Variants in SCIN observed in about 807,000 individuals in gnomAD.
SCIN encodes the protein adseverin.
In SCIN, 91 loss-of-function variants were observed where a neutral mutation model predicts 91.8. The observed-to-expected ratio is 0.99, with a 90% CI of 0.84 to 1.18. SCIN has a LOEUF of 1.18. SCIN is among the 50% of genes most tolerant of loss of function. The pLI, the probability that SCIN is intolerant of heterozygous loss-of-function variation, is 0.00. For synonymous variants in SCIN, 367 were observed against 312.6 expected, an observed-to-expected ratio of 1.17 and a Z score of -1.84; for missense variants, 1,087 against 863.9, an observed-to-expected ratio of 1.26 and a Z score of -3.24.
intron 6 of SCIN, 22 bp downstream of exon 6, chr7:12,625,164 G>A (rs747937743): frequency 1.3e-6 from 2 of 1,595,722 alleles, no homozygotes; most frequent in East Asian, 4.5e-5. Flanking sequence ...CATTGACGAT[G>A]CTGTATTTCA....
rs1425653363 is a variant in SCIN, at chr7:12,644,522, T to A, written c.1760-62T>A. 4 of 1,585,768 alleles carry A rather than the reference T, an allele frequency of 2.5e-6. No individual in the cohort carries two copies. In the African/African-American group the frequency reaches 4.1e-5, roughly 16 times the overall value. ...CAAGGTGAGATAATATTTGTTCATA[T>A]AAAGCGACAGCAAGCATATGTCCCT... On this transcript the variant is annotated intron_variant, in intron 12 of 15. Transcript: ENST00000297029.
At chr7:12,588,439 C>T (rs972665256) in intron 3 of SCIN, among the ~76,000 whole-genome samples, 8 of 151,928 alleles carry the variant, frequency 5.3e-5, no homozygotes, top group Middle Eastern at 3.2e-3. Context: ...TGGATGAGGG[C>T]GCTGTAAGGT....
chr7:12,625,431 C>T (rs376464998), intron 6 of SCIN, among the ~76,000 whole-genome samples: 78 of 97,488 alleles, frequency 8.0e-4, no homozygotes, highest in Admixed American at 1.6e-3. Flanking sequence ...TTTTGCTATT[C>T]TTTTTTTTTT....
chr7:12,586,454 G>A (rs529146102), intron 3 of SCIN, among the ~76,000 whole-genome samples: 124 of 152,196 alleles, frequency 8.1e-4, no homozygotes, highest in African/African-American at 1.3e-3. Context: ...TGAGGATGCC[G>A]AGAAAAGGGA....
At chr7:12,586,704 A>T (rs187084043) in intron 3 of SCIN, among the ~76,000 whole-genome samples, 293 of 152,324 alleles carry the variant, frequency 1.9e-3, no homozygotes, top group African/African-American at 6.7e-3. Context: ...CAGGTGAATA[A>T]AGAAAATATG....
At chr7:12,596,236 A>G (rs1445292011) in intron 3 of SCIN, 6 of 403,818 alleles carry the variant, frequency 1.5e-5, no homozygotes, top group Non-Finnish European at 2.5e-5. Context: ...GAAGTCGTAC[A>G]CATGCCAACC....
chr7:12,652,498 C>T (rs1784099986), intron 15 of SCIN, 90 bp from the exon 16 acceptor site: 2 of 1,160,940 alleles, frequency 1.7e-6, no homozygotes, highest in South Asian at 1.4e-5. Flanking sequence ...AAATTTAATT[C>T]ATTACTTTTA....
In SCIN at chr7:12,624,372, T is replaced by G. The variant is rs143739347; in HGVS notation, c.760-638T>G. Among the ~76,000 whole-genome samples the G allele has an allele frequency of 1.6e-3, 240 of 152,338 alleles. 1 individual carries two copies. Among genetic ancestry groups the G allele is most frequent in the Non-Finnish European group, 4.9e-4 (33 of 68,040 alleles). On this transcript the variant is annotated intron_variant, in intron 5 of 15. Coordinates refer to ENST00000297029, the MANE Select transcript of SCIN (RefSeq NM_001112706.3). The stretch of plus-strand genomic sequence containing the variant: ...TTTGTAAGACCACTTAAAAATTTGT[T>G]TTAATAGTCTGTAGTCATTTCTAAA...
intron 3 of SCIN, among the ~76,000 whole-genome samples, chr7:12,586,079 C>CCACAGTG (rs1782581016): frequency 1.3e-5 from 2 of 152,180 alleles, no homozygotes; most frequent in Admixed American, 6.5e-5. Context: ...ATTTACTTAT[C>CCACAGTG]AGCCTTCCTC....
chr7:12,652,764 T>C lies in SCIN; in HGVS notation c.*49T>C, dbSNP rs369408713. 5.1e-6 allele frequency: 8 copies of C among 1,571,250 alleles called. No individual in the cohort carries two copies. Among genetic ancestry groups the C allele is most frequent in the Non-Finnish European group, 6.9e-6 (8 of 1,166,868 alleles). ...AAACATTACAAGGCAGTTATCTCATTGCTGTTTTGGGAGAGGAACGGGAAA... is the reference window on the plus strand; with the variant it reads ...AAACATTACAAGGCAGTTATCTCATCGCTGTTTTGGGAGAGGAACGGGAAA... On this transcript the variant is annotated 3_prime_UTR_variant, in exon 16 of 16. Coordinates refer to ENST00000297029, the MANE Select transcript of SCIN (RefSeq NM_001112706.3).
intron 3 of SCIN, among the ~76,000 whole-genome samples, chr7:12,587,208 C>T (rs1008550646): frequency 2.6e-5 from 4 of 152,098 alleles, no homozygotes; most frequent in Non-Finnish European, 1.5e-5. Context: ...TAAATATGTA[C>T]AATTTTTACA....
In SCIN at chr7:12,657,552, A is replaced by G. The variant is rs1441651936; in HGVS notation, c.*4837A>G. ...TATATGTGTGTGTATATATATATATATATATATATATATATATATATTTTT... is the reference window on the plus strand; with the variant it reads ...TATATGTGTGTGTATATATATATATGTATATATATATATATATATATTTTT... On this transcript the variant is annotated 3_prime_UTR_variant, in exon 16 of 16. Transcript: ENST00000297029. The G allele has an allele frequency of 9.7e-4, 16 of 16,516 alleles. No homozygotes were observed. The highest frequency in any genetic ancestry group is 2.7e-3 in the African/African-American group (15 of 5,576). 1.0% of individuals were successfully genotyped at this position (16,516 alleles called of 1,614,324 possible).
rs1784166708 is a variant in SCIN at position 12,656,654 on chromosome 7, T to C, written c.*3939T>C. The stretch of plus-strand genomic sequence containing the variant: ...AAACCTGTAAAAAGGCCGGGCGCAG[T>C]GGCTGACGCCTGTAATCCCAGCACT... On this transcript the variant is annotated 3_prime_UTR_variant, in exon 16 of 16. Coordinates refer to ENST00000297029, the MANE Select transcript of SCIN (RefSeq NM_001112706.3). The C allele has an allele frequency of 6.6e-6, 1 of 152,210 alleles. No homozygotes were observed. Among genetic ancestry groups the C allele is most frequent in the Non-Finnish European group, 1.5e-5 (1 of 68,038 alleles). The allele number at this position is 152,210 out of a possible 1,614,324, so 9.4% of individuals were successfully genotyped here.
chr7:12,610,369 C>G (rs1042671541), intron 4 of SCIN, among the ~76,000 whole-genome samples: 5 of 152,138 alleles, frequency 3.3e-5, no homozygotes, highest in African/African-American at 1.2e-4. Context: ...CTCTACAAAG[C>G]CTGTTAAGGC....
At chr7:12,586,992 A>G (rs1782601351) in intron 3 of SCIN, among the ~76,000 whole-genome samples, 2 of 152,044 alleles carry the variant, frequency 1.3e-5, no homozygotes, top group African/African-American at 2.4e-5. Context: ...ATATAGGAGG[A>G]ATAAATTCTG....
At chr7:12,613,673 G>T (rs1378957881) in intron 4 of SCIN, among the ~76,000 whole-genome samples, 1 of 152,070 alleles carries the variant, frequency 6.6e-6, no homozygotes, top group African/African-American at 2.4e-5. Flanking sequence ...TAATGTATCA[G>T]AATTGCTGTT....
chr7:12,604,639 A>C lies in SCIN; in HGVS notation c.642A>C (p.Gly214=). 6.4e-7 allele frequency: 1 copy of C among 1,552,136 alleles called. No homozygotes were observed. The highest frequency in any genetic ancestry group is 8.7e-7 in the Non-Finnish European group (1 of 1,147,094). ...GRSELIVVEE[G]SEPSELIKVL... ...CTGAACTAATTGTCGTGGAAGAAGG[A>C]AGTGAACCCTCAGAACTTATAAAGG... The change falls in exon 4 of 16, where the codon GGA becomes GGC. Residue 214 remains glycine (G), a synonymous_variant. Transcript: ENST00000297029.
chr7:12,644,091 A>T, intron 11 of SCIN, 47 bp from the exon 12 acceptor site: 1 of 1,506,690 alleles, frequency 6.6e-7, no homozygotes. Flanking sequence ...TTATTGAGGG[A>T]GCAGCAATGA....
intron 4 of SCIN, among the ~76,000 whole-genome samples, chr7:12,610,083 CAAT>C (rs1783160974): frequency 6.6e-6 from 1 of 152,154 alleles, no homozygotes; most frequent in African/African-American, 2.4e-5. Flanking sequence ...AATAACACCA[CAAT>C]TTGTTGGAAG....
Sources: gnomAD v4.1 joint callset for allele counts (sites outside exome capture counted in the v4.1 genomes callset) on GRCh38, gnomAD v4.1.1 for gene constraint, MANE v1.5 for transcripts, NCBI Gene and HGNC (gene_info 2026-07-23, HGNC 2026-07-21) for gene names.